WDR48: variants seen among roughly 807,000 people sequenced by gnomAD.
WDR48 encodes WD repeat-containing protein 48.
A neutral mutation model predicts 94.0 loss-of-function variants in WDR48; 22 were observed. The ratio of observed to expected loss-of-function variants is 0.23; its 90% CI spans 0.17 to 0.33. The LOEUF is 0.33. WDR48 is among the 10% of genes least tolerant of loss of function. The pLI, the probability that WDR48 is intolerant of heterozygous loss-of-function variation, is 1.00. For missense variants in WDR48, 541 were observed against 813.8 expected (o/e 0.66, Z 4.08); for synonymous variants, 278 against 280.5 (o/e 0.99, Z 0.09).
chr3:39,084,673 A>G lies in WDR48; in HGVS notation c.1310A>G (p.Asp437Gly), dbSNP rs2034714013. 1 of 1,613,950 alleles carries G rather than the reference A, an allele frequency of 6.2e-7. No homozygotes were observed. Among genetic ancestry groups the G allele is most frequent in the Non-Finnish European group, 8.5e-7 (1 of 1,179,924 alleles). Reference sequence around the variant, plus strand: ...TTAACTATTACTTTGGATGAAAGTGATTGTTTTGCTGCCTGGGTTTCTGCA... The same window carrying G: ...TTAACTATTACTTTGGATGAAAGTGGTTGTTTTGCTGCCTGGGTTTCTGCA... ...GMLTITLDES[D>G]CFAAWVSAKD... is the part of the protein sequence containing the mutation. The change falls in exon 13 of 19, where the codon GAT (aspartate) becomes GGT (glycine). Residue 437 changes from aspartate to glycine, a missense_variant. Asp to Gly is a moderately conservative substitution (Grantham distance 94). This residue lies in a region of WDR48 where 238 missense variants were observed against 285.3 expected (regional missense o/e 0.83). Transcript: ENST00000302313.
chr3:39,077,379 T>A (rs2034287120), intron 9 of WDR48, among the ~76,000 whole-genome samples, 166 bp downstream of exon 9: 1 of 152,198 alleles, frequency 6.6e-6, no homozygotes, highest in Non-Finnish European at 1.5e-5. Context: ...CTAAAGATCA[T>A]ACTAAAATTA....
intron 12 of WDR48, 142 bp from the exon 13 acceptor site, chr3:39,084,503 G>T: frequency 1.5e-6 from 1 of 648,860 alleles, no homozygotes; most frequent in Non-Finnish European, 2.4e-6. Context: ...TTGTGTTGTT[G>T]CATTGAATCA....
chr3:39,077,235 C>T (rs374007724), intron 9 of WDR48, 22 bp downstream of exon 9: 2 of 1,612,438 alleles, frequency 1.2e-6, no homozygotes, highest in African/African-American at 2.7e-5. Context: ...ATTAACCTGG[C>T]AAAGGTTTAT....
chr3:39,087,647 C>G (rs2034880484), intron 14 of WDR48, among the ~76,000 whole-genome samples: 1 of 152,166 alleles, frequency 6.6e-6, no homozygotes, highest in Admixed American at 6.5e-5. Flanking sequence ...GAAAGGAAAT[C>G]TGCAGAGAAC....
rs2034144278 is a variant in WDR48 at position 39,075,093 on chromosome 3, A to G, written c.897+143A>G. 3.8e-6 allele frequency: 3 copies of G among 781,008 alleles called. No homozygotes were observed. The East Asian group carries it at 8.1e-5, about 21-fold the overall frequency. 48.4% of individuals were successfully genotyped at this position (781,008 alleles called of 1,614,324 possible). A position where few individuals can be genotyped will look rare whatever the true frequency, so the allele number is the denominator to read the frequency against. On this transcript the variant is annotated intron_variant, in intron 8 of 18. Coordinates refer to ENST00000302313, the MANE Select transcript of WDR48 (RefSeq NM_020839.4). Reference sequence around the variant, plus strand: ...GTAAAAAAGATATTCCATCATGAGCAGAACTTGACAGGGTAAGGAAGAGTA... The same window carrying G: ...GTAAAAAAGATATTCCATCATGAGCGGAACTTGACAGGGTAAGGAAGAGTA...
chr3:39,074,597 A>G, intron 7 of WDR48, 129 bp from the exon 8 acceptor site: 1 of 932,848 alleles, frequency 1.1e-6, no homozygotes, highest in South Asian at 1.7e-5. Flanking sequence ...TCAAGCCTTT[A>G]TCAGAGGCAG....
At chr3:39,094,352 T>C in intron 18 of WDR48, 1 of 1,437,990 alleles carries the variant, frequency 7.0e-7, no homozygotes, top group South Asian at 1.5e-5. Context: ...TGATTTAGAG[T>C]GAAGGTGTGC....
intron 1 of WDR48, among the ~76,000 whole-genome samples, chr3:39,059,243 G>A (rs2033106050): frequency 6.6e-6 from 1 of 152,166 alleles, no homozygotes; most frequent in Admixed American, 6.5e-5. Flanking sequence ...GATGAAAGCT[G>A]GAGAAAGAGT....
At chr3:39,063,310 C>A in intron 2 of WDR48, 120 bp downstream of exon 2, 1 of 1,288,072 alleles carries the variant, frequency 7.8e-7, no homozygotes, top group Non-Finnish European at 1.1e-6. Flanking sequence ...ATTTGGTACA[C>A]TCTATAAAGA....
chr3:39,075,918 G>A (rs578148817), intron 8 of WDR48, among the ~76,000 whole-genome samples: 3 of 152,012 alleles, frequency 2.0e-5, no homozygotes, highest in East Asian at 3.9e-4. Flanking sequence ...GGATGGTATC[G>A]ATCTCCTGAC....
intron 1 of WDR48, among the ~76,000 whole-genome samples, chr3:39,056,889 A>G (rs890304095): frequency 6.6e-6 from 1 of 152,172 alleles, no homozygotes; most frequent in Non-Finnish European, 1.5e-5. Flanking sequence ...GGAAAACACC[A>G]AAGGTGACAG....
chr3:39,066,613 A>G lies in WDR48; in HGVS notation c.334A>G (p.Thr112Ala), dbSNP rs1234228248. Residue 112 changes from threonine to alanine, a missense_variant, in exon 4 of 19, where the codon ACA (threonine) becomes GCA (alanine). Coordinates refer to ENST00000302313, the MANE Select transcript of WDR48 (RefSeq NM_020839.4). The stretch of plus-strand genomic sequence containing the variant: ...TGCACACAAGGGATTTTGCATGTCA[A>G]CATTAAGGACACATAAGGTAAAACA... ...WNAHKGFCMS[T>A]LRTHKDYVKA... 1 of 1,613,820 alleles carries G rather than the reference A, an allele frequency of 6.2e-7. No homozygotes were observed. Among genetic ancestry groups the G allele is most frequent in the African/African-American group, 1.3e-5 (1 of 74,938 alleles).
At chr3:39,064,082 G>A (rs2033444322) in intron 2 of WDR48, among the ~76,000 whole-genome samples, 1 of 152,124 alleles carries the variant, frequency 6.6e-6, no homozygotes. Flanking sequence ...CCAGGCAAAT[G>A]GTAACGAGCC....
chr3:39,076,831 A>C (rs897911201), intron 8 of WDR48, among the ~76,000 whole-genome samples: 13 of 152,242 alleles, frequency 8.5e-5, no homozygotes, highest in African/African-American at 3.1e-4. Context: ...TAACAAGAAG[A>C]GAAAATTATG....
At position 39,052,067 on chromosome 3, in the gene WDR48, A is replaced by C. The variant is rs1226227162; in HGVS notation, c.42A>C (p.Lys14Asn). 6.2e-7 allele frequency: 1 copy of C among 1,613,658 alleles called. No homozygotes were observed. The highest frequency in any genetic ancestry group is 8.5e-7 in the Non-Finnish European group (1 of 1,179,914). The change falls in exon 1 of 19, where the codon AAA becomes AAC. Residue 14 changes from lysine (K) to asparagine (N), a missense_variant. Lys to Asn is a moderately conservative substitution (Grantham distance 94). Around this residue, in one of 5 missense-constraint regions of WDR48, gnomAD observed 90 missense variants for 122.3 expected, o/e 0.74. Transcript: ENST00000302313. ...HHRQNTAGRR[K>N]VQVSYVIRDE... ...GGCAGAACACAGCAGGGCGGAGGAA[A>C]GTGCAGGTATGGAAGCCCGGTTCCT...
chr3:39,089,205 CT>C, intron 15 of WDR48, 25 bp from the exon 16 acceptor site: 1 of 1,603,738 alleles, frequency 6.2e-7, no homozygotes, highest in Non-Finnish European at 8.5e-7. Flanking sequence ...TGTTGGGTTA[CT>C]TACTACTTGA....
rs2034980228 is a variant in WDR48 at position 39,089,580 on chromosome 3, G to GCATT, written c.1668+268_1668+271dup. ...TGAATGAAGCTCTCATCTTCCCCAA[G>GCATT]CATTCATTCTTGCCCATTCACTCCC... is the stretch of plus-strand genomic sequence containing the variant. On this transcript the variant is annotated intron_variant, in intron 16 of 18. Coordinates refer to ENST00000302313, the MANE Select transcript of WDR48 (RefSeq NM_020839.4). 3 of 235,486 alleles carry GCATT rather than the reference G, an allele frequency of 1.3e-5. No homozygotes were observed. In the South Asian group the frequency reaches 3.4e-4, roughly 27 times the overall value. 14.6% of individuals were successfully genotyped at this position (235,486 alleles called of 1,614,324 possible). A position where few individuals can be genotyped will look rare whatever the true frequency, so the allele number is the denominator to read the frequency against.
Position 39,071,549 on chromosome 3 carries a change from T to C in WDR48, c.672+1805T>C, listed in dbSNP as rs543420726. 3.9e-5 allele frequency among the ~76,000 whole-genome samples: 6 copies of C among 152,382 alleles called. No individual in the cohort carries two copies. The South Asian group carries it at 8.3e-4, about 21-fold the overall frequency. On this transcript the variant is annotated intron_variant, in intron 7 of 18. Coordinates refer to ENST00000302313, the MANE Select transcript of WDR48 (RefSeq NM_020839.4). The stretch of plus-strand genomic sequence containing the variant: ...CTCTTGTTTCCTATCTATGCAATTA[T>C]GAATGTGCTTCTATAAAAGATGATT...
chr3:39,062,965 T>G, intron 1 of WDR48, 85 bp from the exon 2 acceptor site: 24 of 1,499,804 alleles, frequency 1.6e-5, no homozygotes, highest in Non-Finnish European at 2.2e-5. Context: ...TGGGATTTTC[T>G]GTTTCAGATT....
Sources: gnomAD v4.1 joint callset for allele counts (sites outside exome capture counted in the v4.1 genomes callset) on GRCh38, gnomAD v4.1.1 for gene constraint, gnomAD v4.1.1 regional missense constraint, MANE v1.5 for transcripts, NCBI Gene and HGNC (gene_info 2026-07-23, HGNC 2026-07-21) for gene names.